Variants in LDB2 observed in about 807,000 individuals in gnomAD.
LDB2 encodes the protein LIM domain-binding protein 2.
A neutral mutation model predicts 44.3 loss-of-function variants in LDB2; 12 were observed. The ratio of observed to expected loss-of-function variants is 0.27; its 90% CI spans 0.17 to 0.44. The LOEUF is 0.44. Ranked by LOEUF, LDB2 falls within the 20% of genes least tolerant of loss-of-function variation. The probability of loss-of-function intolerance (pLI) is 1.00; values close to 1 mark genes in which losing one functional copy is unlikely to be tolerated. For synonymous variants in LDB2, 164 were observed against 174.8 expected (o/e 0.94, Z 0.49); for missense variants, 344 against 473.5 (o/e 0.73, Z 2.54).
intron 2 of LDB2, among the ~76,000 whole-genome samples, chr4:16,722,779 T>G (rs1389250433): frequency 6.6e-6 from 1 of 152,140 alleles, no homozygotes; most frequent in African/African-American, 2.4e-5. Flanking sequence ...TATTTGTTTA[T>G]AAGAGGACAG....
chr4:16,502,565 C>T lies in LDB2; in HGVS notation c.*78G>A. On this transcript the variant is annotated 3_prime_UTR_variant, in exon 8 of 8. Coordinates refer to ENST00000304523, the MANE Select transcript of LDB2 (RefSeq NM_001290.5). ...GGAAAAGTTTTTATCTCTTCTGTTTCCTCTCCTGTAAGTAAAGATTTGCAA... is the reference window on the plus strand; with the variant it reads ...GGAAAAGTTTTTATCTCTTCTGTTTTCTCTCCTGTAAGTAAAGATTTGCAA... 6.4e-7 allele frequency: 1 copy of T among 1,555,152 alleles called. No homozygotes were observed. The highest frequency in any genetic ancestry group is 8.8e-7 in the Non-Finnish European group (1 of 1,133,332).
At chr4:16,584,020 C>G (rs1313840465) in intron 5 of LDB2, among the ~76,000 whole-genome samples, 3 of 152,168 alleles carry the variant, frequency 2.0e-5, no homozygotes, top group Non-Finnish European at 4.4e-5. Context: ...TAAATAGCTA[C>G]TGAATCACGA....
chr4:16,609,191 G>A (rs961096820), intron 2 of LDB2, among the ~76,000 whole-genome samples: 6 of 152,088 alleles, frequency 3.9e-5, no homozygotes, highest in Non-Finnish European at 7.4e-5. Flanking sequence ...GTAAATGAGC[G>A]TGCTACCCAG....
intron 5 of LDB2, among the ~76,000 whole-genome samples, chr4:16,547,517 C>G (rs1380945648): frequency 6.6e-6 from 1 of 152,178 alleles, no homozygotes. Flanking sequence ...GTTTCAGATG[C>G]TTGGTATCTT....
intron 1 of LDB2, among the ~76,000 whole-genome samples, chr4:16,841,313 T>C (rs1017369235): frequency 3.3e-5 from 5 of 152,190 alleles, no homozygotes. Flanking sequence ...GTGAGTGGAT[T>C]CACAATATCC....
At chr4:16,716,818 G>A (rs528302598) in intron 2 of LDB2, among the ~76,000 whole-genome samples, 1 of 151,936 alleles carries the variant, frequency 6.6e-6, no homozygotes, top group Admixed American at 6.6e-5. Context: ...TCCCATTATA[G>A]TATATGCAGT....
At chr4:16,572,385 T>C (rs1307674825) in intron 5 of LDB2, among the ~76,000 whole-genome samples, 1 of 152,198 alleles carries the variant, frequency 6.6e-6, no homozygotes, top group Non-Finnish European at 1.5e-5. Context: ...ACTTTCAGTG[T>C]CTTGTTAAAC....
In LDB2 at chr4:16,603,713, A is replaced by G. The variant is rs551342953; in HGVS notation, c.236-7838T>C. Reference sequence around the variant, plus strand: ...CCTTAAAATAATTATGTTAAATTCAAAAAAGAAATAGGGAGAGAAATTGAT... The same window carrying G: ...CCTTAAAATAATTATGTTAAATTCAGAAAAGAAATAGGGAGAGAAATTGAT... On this transcript the variant is annotated intron_variant, in intron 2 of 7. Coordinates refer to ENST00000304523, the MANE Select transcript of LDB2 (RefSeq NM_001290.5). Among the ~76,000 whole-genome samples the G allele has an allele frequency of 9.2e-5, 14 of 152,240 alleles. No homozygotes were observed. The East Asian group carries it at 2.7e-3, about 29-fold the overall frequency.
chr4:16,679,309 GAGGAAGGA>G (rs796529320), intron 2 of LDB2, among the ~76,000 whole-genome samples: 1 of 152,020 alleles, frequency 6.6e-6, no homozygotes, highest in African/African-American at 2.4e-5. Context: ...GGAGGAGAGG[GAGGAAGGA>G]AGGAAGGAAG....
intron 2 of LDB2, among the ~76,000 whole-genome samples, chr4:16,706,653 G>A (rs922145862): frequency 3.3e-5 from 5 of 152,162 alleles, no homozygotes; most frequent in Non-Finnish European, 7.3e-5. Flanking sequence ...TTAAGTGTTT[G>A]CATTGATAGA....
At chr4:16,808,764 G>T (rs1344200866) in intron 1 of LDB2, among the ~76,000 whole-genome samples, 1 of 152,136 alleles carries the variant, frequency 6.6e-6, no homozygotes, top group Non-Finnish European at 1.5e-5. Context: ...TTCCACATTT[G>T]CTAGAAAACT....
chr4:16,558,300 TAAAAACTTTGA>T (rs1213444065), intron 5 of LDB2, among the ~76,000 whole-genome samples: 1 of 152,076 alleles, frequency 6.6e-6, no homozygotes, highest in Non-Finnish European at 1.5e-5. Flanking sequence ...GCAAAGAAGT[TAAAAACTTTGA>T]AAAAAATTTA....
At chr4:16,836,155 A>G (rs780163048) in intron 1 of LDB2, among the ~76,000 whole-genome samples, 1 of 152,364 alleles carries the variant, frequency 6.6e-6, no homozygotes, top group South Asian at 2.1e-4. Flanking sequence ...GACTGTATGT[A>G]TAAGTGTATC....
chr4:16,698,577 C>A (rs1752712913), intron 2 of LDB2, among the ~76,000 whole-genome samples: 1 of 151,930 alleles, frequency 6.6e-6, no homozygotes, highest in African/African-American at 2.4e-5. Context: ...TTTTTAATAT[C>A]CTTTGCCCTT....
At chr4:16,638,957 A>T (rs1734377752) in intron 2 of LDB2, among the ~76,000 whole-genome samples, 1 of 152,214 alleles carries the variant, frequency 6.6e-6, no homozygotes, top group African/African-American at 2.4e-5. Context: ...AAATATTAAG[A>T]GGGAAATTTA....
intron 2 of LDB2, among the ~76,000 whole-genome samples, chr4:16,604,470 T>C (rs1377057281): frequency 6.7e-6 from 1 of 150,054 alleles, no homozygotes; most frequent in East Asian, 1.9e-4. Flanking sequence ...CATGAGAATA[T>C]ATATATTCTT....
rs529029087 is a variant in LDB2, at chr4:16,835,883, C to T, written c.132+62471G>A. 1.0e-3 allele frequency among the ~76,000 whole-genome samples: 154 copies of T among 152,288 alleles called. 1 individual carries two copies. Among genetic ancestry groups the T allele is most frequent in the Admixed American group, 4.1e-3 (63 of 15,298 alleles). ...CTCCTTCCTGCTCTACCAGATAGAGCTCAACTTCACATTTATATTATCTGA... is the reference window on the plus strand; with the variant it reads ...CTCCTTCCTGCTCTACCAGATAGAGTTCAACTTCACATTTATATTATCTGA... On this transcript the variant is annotated intron_variant, in intron 1 of 7. Coordinates refer to ENST00000304523, the MANE Select transcript of LDB2 (RefSeq NM_001290.5).
chr4:16,751,242 C>G (rs1173161221), intron 2 of LDB2, among the ~76,000 whole-genome samples: 1 of 152,160 alleles, frequency 6.6e-6, no homozygotes, highest in African/African-American at 2.4e-5. Context: ...CCTCAGATTT[C>G]ATAACAGCTT....
At chr4:16,524,055 TG>T (rs1727290445) in intron 5 of LDB2, among the ~76,000 whole-genome samples, 3 of 152,238 alleles carry the variant, frequency 2.0e-5, no homozygotes, top group African/African-American at 7.2e-5. Context: ...GTCTGATGTT[TG>T]TGGAAGGAAT....
Sources: allele counts gnomAD v4.1 joint callset (sites outside exome capture counted in the v4.1 genomes callset), GRCh38; gene constraint gnomAD v4.1.1; transcripts MANE v1.5; gene names NCBI Gene and HGNC (gene_info 2026-07-23, HGNC 2026-07-21).